The following ZNF157 variants were observed in gnomAD, a reference collection of about 807,000 sequenced individuals.
ZNF157 encodes the protein zinc finger protein 157, also known as zinc finger protein 22.
In ZNF157, 8 loss-of-function variants were observed where a neutral mutation model predicts 9.4. The observed-to-expected ratio is 0.85, with a 90% CI of 0.50 to 1.53. The LOEUF (loss-of-function observed/expected upper bound fraction) is 1.53. ZNF157 is among the 40% of genes most tolerant of loss of function. The pLI, the probability that ZNF157 is intolerant of heterozygous loss-of-function variation, is 0.00. For synonymous variants in ZNF157, 120 were observed against 130.8 expected (o/e 0.92, Z 0.56); for missense variants, 316 against 385.2 (o/e 0.82, Z 1.50).
At chrX:47,403,428 G>A (rs2055936911) in intron 1 of ZNF157, among the ~76,000 whole-genome samples, 1 of 110,423 alleles carries the variant, frequency 9.1e-6, no homozygotes, top group African/African-American at 3.3e-5. Flanking sequence ...CGACTGCCTG[G>A]GCTCAGGTGA....
chrX:47,382,320 C>CAGTCTT (rs2055866203), intron 1 of ZNF157, among the ~76,000 whole-genome samples: 2 of 81,084 alleles, frequency 2.5e-5, no homozygotes, highest in Non-Finnish European at 4.4e-5. Context: ...GACGCAGTCT[C>CAGTCTT]GCTCTGTTGC....
intron 1 of ZNF157, among the ~76,000 whole-genome samples, chrX:47,403,599 T>A (rs2093229513): frequency 9.0e-6 from 1 of 111,053 alleles, no homozygotes; most frequent in African/African-American, 3.3e-5. Flanking sequence ...CCTCCCAAAG[T>A]GCTGGGATAC....
intron 1 of ZNF157, among the ~76,000 whole-genome samples, chrX:47,378,604 C>T (rs773442138): frequency 2.7e-5 from 3 of 111,707 alleles, no homozygotes; most frequent in South Asian, 7.5e-4. Flanking sequence ...GCACTTAGGC[C>T]GACGCAGGCA....
chrX:47,409,810 A>AT lies in ZNF157; in HGVS notation c.73-461dup, dbSNP rs751020879. On this transcript the variant is annotated intron_variant, in intron 1 of 3. Transcript: ENST00000377073. Reference sequence around the variant, plus strand: ...AGATGTGCACCACCACACCCAGCTAATTTTTGTATTTTTAGTAGAGATGGG... The same window carrying AT: ...AGATGTGCACCACCACACCCAGCTAATTTTTTGTATTTTTAGTAGAGATGGG... Among the ~76,000 whole-genome samples, 3 of 58,447 alleles carry AT rather than the reference A, an allele frequency of 5.1e-5. No individual in the cohort carries two copies. The South Asian group carries it at 3.9e-3, about 75-fold the overall frequency. The allele number at this position is 58,447 out of a possible 115,157, so 50.8% of individuals were successfully genotyped here.
intron 1 of ZNF157, among the ~76,000 whole-genome samples, chrX:47,407,359 TGAG>T (rs2147414026): frequency 8.9e-6 from 1 of 112,448 alleles, no homozygotes; most frequent in South Asian, 3.6e-4. Flanking sequence ...CCTCATAAAA[TGAG>T]AAGTGTCCTT....
At chrX:47,373,306 C>T (rs968952843) in intron 1 of ZNF157, among the ~76,000 whole-genome samples, 1 of 111,524 alleles carries the variant, frequency 9.0e-6, no homozygotes, top group Admixed American at 9.7e-5. Flanking sequence ...AAAGAATTTA[C>T]CACGACAGTT....
At chrX:47,409,429 G>T (rs2055956695) in intron 1 of ZNF157, among the ~76,000 whole-genome samples, 1 of 111,331 alleles carries the variant, frequency 9.0e-6, no homozygotes, top group Non-Finnish European at 1.9e-5. Context: ...CCACCTCCCG[G>T]GTTCAAGTGA....
intron 1 of ZNF157, among the ~76,000 whole-genome samples, chrX:47,383,559 T>A (rs2055870786): frequency 9.6e-6 from 1 of 103,708 alleles, no homozygotes; most frequent in Admixed American, 1.1e-4. Context: ...ATAAAAAAAA[T>A]TAGCTGAGCA....
chrX:47,370,827 A>G, intron 1 of ZNF157, 87 bp downstream of exon 1: 1 of 858,888 alleles, frequency 1.2e-6, no homozygotes, highest in Non-Finnish European at 1.6e-6. Context: ...ATAATTGTAG[A>G]TTCAAATGCA....
intron 1 of ZNF157, among the ~76,000 whole-genome samples, chrX:47,402,147 G>T (rs2055932249): frequency 9.0e-6 from 1 of 111,419 alleles, no homozygotes. Context: ...ATTTCCATAT[G>T]AATTTTAGAA....
chrX:47,383,684 GAAAAAAAAAAA>G (rs11324804), intron 1 of ZNF157, among the ~76,000 whole-genome samples: 1 of 41,584 alleles, frequency 2.4e-5, no homozygotes, highest in African/African-American at 9.3e-5. Flanking sequence ...CTCTGTCTCA[GAAAAAAAAAAA>G]AAAAAAAAAA....
chrX:47,382,282 CTTTTTTTT>C (rs764704009), intron 1 of ZNF157, among the ~76,000 whole-genome samples: 1 of 53,356 alleles, frequency 1.9e-5, no homozygotes, highest in Non-Finnish European at 3.1e-5. Context: ...TTCAACAGAA[CTTTTTTTT>C]TTTTTTTTTT....
chrX:47,389,308 C>T (rs1369834682), intron 1 of ZNF157, among the ~76,000 whole-genome samples: 2 of 108,414 alleles, frequency 1.8e-5, no homozygotes, highest in African/African-American at 6.7e-5. Flanking sequence ...TGGGTTCTAG[C>T]GATTCTCCTG....
In ZNF157 at chrX:47,379,421, T is replaced by G. The variant is rs867880843; in HGVS notation, c.72+8681T>G. Among the ~76,000 whole-genome samples the G allele has an allele frequency of 5.6e-3, 599 of 107,553 alleles. 5 individuals carry two copies. Among genetic ancestry groups the G allele is most frequent in the African/African-American group, 0.017 (515 of 29,560 alleles). The allele number at this position is 107,553 out of a possible 115,157, so 93.4% of individuals were successfully genotyped here. Reference sequence around the variant, plus strand: ...TAATCCATTTTGAGTTAATTTTTTTTTTTTTTTTTGAGACAGGGTCTGCAC... The same window carrying G: ...TAATCCATTTTGAGTTAATTTTTTTGTTTTTTTTTGAGACAGGGTCTGCAC... On this transcript the variant is annotated intron_variant, in intron 1 of 3. Coordinates refer to ENST00000377073, the MANE Select transcript of ZNF157 (RefSeq NM_003446.4).
intron 1 of ZNF157, among the ~76,000 whole-genome samples, chrX:47,374,691 C>T (rs1427737208): frequency 1.1e-4 from 11 of 98,739 alleles, no homozygotes; most frequent in Non-Finnish European, 2.0e-4. Context: ...TGAGCCACCA[C>T]GCCCAGCAAT....
intron 1 of ZNF157, among the ~76,000 whole-genome samples, chrX:47,400,819 C>T (rs369767485): frequency 2.6e-4 from 29 of 111,423 alleles, no homozygotes; most frequent in African/African-American, 9.4e-4. Flanking sequence ...CCGTGCCTGG[C>T]TAATTTTTTA....
intron 1 of ZNF157, among the ~76,000 whole-genome samples, chrX:47,377,005 C>T (rs956395690): frequency 1.8e-5 from 2 of 111,247 alleles, no homozygotes; most frequent in Non-Finnish European, 3.8e-5. Context: ...CTACAAGATT[C>T]TGACCCTCTC....
chrX:47,409,648 CTT>C (rs1299438856), intron 1 of ZNF157, among the ~76,000 whole-genome samples: 2 of 98,206 alleles, frequency 2.0e-5, no homozygotes, highest in Admixed American at 1.1e-4. Context: ...CAGCCAGCTT[CTT>C]TTTTTTTTTT....
chrX:47,389,410 C>G (rs916439482), intron 1 of ZNF157, among the ~76,000 whole-genome samples: 1 of 107,387 alleles, frequency 9.3e-6, no homozygotes, highest in African/African-American at 3.4e-5. Context: ...AGTGCAGTGG[C>G]CTGATCACAG....
Sources: allele counts gnomAD v4.1 joint callset (sites outside exome capture counted in the v4.1 genomes callset), GRCh38; gene constraint gnomAD v4.1.1; transcripts MANE v1.5; gene names NCBI Gene and HGNC (gene_info 2026-07-23, HGNC 2026-07-21).